Variants in SLC9A9 observed in about 807,000 individuals in gnomAD.
The protein encoded by SLC9A9 is solute carrier family 9 member A9.
In SLC9A9, 62 loss-of-function variants were observed where a neutral mutation model predicts 77.8. The observed-to-expected ratio is 0.80, with a 90% CI of 0.65 to 0.98. The LOEUF (loss-of-function observed/expected upper bound fraction) is 0.98. Among genes scored for constraint, SLC9A9 ranks in the 50% least tolerant of loss-of-function variants. The pLI, the probability that SLC9A9 is intolerant of heterozygous loss-of-function variation, is 0.00. For missense variants in SLC9A9, 775 were observed against 774.9 expected (o/e 1.00, Z 0.00); for synonymous variants, 320 against 283.5 (o/e 1.13, Z -1.29).
At chr3:143,641,476 C>A (rs1213238132) in intron 6 of SLC9A9, among the ~76,000 whole-genome samples, 1 of 139,080 alleles carries the variant, frequency 7.2e-6, no homozygotes, top group Non-Finnish European at 1.5e-5. Context: ...TCACTGCAAG[C>A]TCTGCCTCCC....
chr3:143,834,653 A>G (rs1281329928), intron 1 of SLC9A9, among the ~76,000 whole-genome samples: 1 of 148,312 alleles, frequency 6.7e-6, no homozygotes, highest in African/African-American at 2.5e-5. Context: ...TTAGTTCCCA[A>G]GCAGAGAAAG....
Position 143,585,952 on chromosome 3 carries a change from G to A in SLC9A9, c.756-7229C>T, listed in dbSNP as rs111535235. The stretch of plus-strand genomic sequence containing the variant: ...AGGTTCTACACTGTGGGATGAGCTC[G>A]CAGCCTCTGTCCTTGCAGGTGGCAC... On this transcript the variant is annotated intron_variant, in intron 6 of 15. Coordinates refer to ENST00000316549, the MANE Select transcript of SLC9A9 (RefSeq NM_173653.4). 5.8e-3 allele frequency among the ~76,000 whole-genome samples: 886 copies of A among 152,356 alleles called. 17 individuals are homozygous for A. The highest frequency in any genetic ancestry group is 0.02 in the African/African-American group (843 of 41,574).
intron 6 of SLC9A9, among the ~76,000 whole-genome samples, chr3:143,632,070 T>A (rs1466275149): frequency 6.6e-6 from 1 of 152,168 alleles, no homozygotes; most frequent in Non-Finnish European, 1.5e-5. Context: ...ATGATTTATA[T>A]CTGTGACTGG....
chr3:143,803,801 C>T (rs979240599), intron 2 of SLC9A9, among the ~76,000 whole-genome samples: 1 of 152,128 alleles, frequency 6.6e-6, no homozygotes, highest in Non-Finnish European at 1.5e-5. Context: ...ACACAGCTGT[C>T]CCCGCCTTAC....
rs184071126 is a variant in SLC9A9 at position 143,727,509 on chromosome 3, T to G, written c.534-34202A>C. 5.9e-5 allele frequency among the ~76,000 whole-genome samples: 9 copies of G among 152,292 alleles called. No individual in the cohort carries two copies. The East Asian group carries it at 1.7e-3, about 29-fold the overall frequency. Reference sequence around the variant, plus strand: ...TACATTAGCCTATGAGAACCAAAATTTCTCTGACTACTCTTTAGGACCAAC... The same window carrying G: ...TACATTAGCCTATGAGAACCAAAATGTCTCTGACTACTCTTTAGGACCAAC... On this transcript the variant is annotated intron_variant, in intron 4 of 15. Transcript: ENST00000316549.
chr3:143,395,568 C>A (rs1213588550), intron 12 of SLC9A9, among the ~76,000 whole-genome samples: 4 of 152,130 alleles, frequency 2.6e-5, no homozygotes, highest in African/African-American at 9.7e-5. Flanking sequence ...ACACCAAAAG[C>A]AATGGCAACA....
intron 6 of SLC9A9, among the ~76,000 whole-genome samples, chr3:143,596,587 C>T (rs2037756271): frequency 6.6e-6 from 1 of 152,180 alleles, no homozygotes; most frequent in South Asian, 2.1e-4. Context: ...GATGTGACAT[C>T]ATGCTTACAG....
chr3:143,687,978 C>T (rs947121631), intron 5 of SLC9A9, among the ~76,000 whole-genome samples: 1 of 151,920 alleles, frequency 6.6e-6, no homozygotes, highest in African/African-American at 2.4e-5. Context: ...GGATCCCTCC[C>T]TCCCTCTCTT....
In SLC9A9 at chr3:143,710,602, C is replaced by G. The variant is rs953799336; in HGVS notation, c.534-17295G>C. Among the ~76,000 whole-genome samples, 6 of 152,272 alleles carry G rather than the reference C, an allele frequency of 3.9e-5. No homozygotes were observed. In the East Asian group the frequency reaches 9.6e-4, roughly 24 times the overall value. On this transcript the variant is annotated intron_variant, in intron 4 of 15. Coordinates refer to ENST00000316549, the MANE Select transcript of SLC9A9 (RefSeq NM_173653.4). ...TCACTTGTTTTAAAACTATAGAAACCAAGATCCAACCAGGTTAATGGCTTG... is the reference window on the plus strand; with the variant it reads ...TCACTTGTTTTAAAACTATAGAAACGAAGATCCAACCAGGTTAATGGCTTG...
chr3:143,570,483 C>A (rs75060708), intron 8 of SLC9A9, among the ~76,000 whole-genome samples: 3,520 of 152,128 alleles, frequency 0.023, 69 homozygotes, highest in Non-Finnish European at 0.036. Flanking sequence ...TTAAACCAGA[C>A]ATTTTATTTT....
chr3:143,383,075 A>G (rs964739843), intron 12 of SLC9A9, among the ~76,000 whole-genome samples: 4 of 152,252 alleles, frequency 2.6e-5, no homozygotes, highest in African/African-American at 9.6e-5. Flanking sequence ...ATCAGTGTAC[A>G]TGCTTTGCCA....
intron 4 of SLC9A9, among the ~76,000 whole-genome samples, chr3:143,788,991 T>G (rs1334774555): frequency 2.0e-5 from 3 of 152,086 alleles, no homozygotes; most frequent in Non-Finnish European, 4.4e-5. Flanking sequence ...CTTACTAGAT[T>G]GGCAAAAATT....
At chr3:143,286,955 C>T (rs376661609) in intron 14 of SLC9A9, among the ~76,000 whole-genome samples, 47 of 152,288 alleles carry the variant, frequency 3.1e-4, no homozygotes, top group African/African-American at 1.0e-3. Context: ...ACGAGGTGTG[C>T]GTCAGCAAAA....
At chr3:143,318,575 T>C (rs181808193) in intron 14 of SLC9A9, among the ~76,000 whole-genome samples, 20 of 152,272 alleles carry the variant, frequency 1.3e-4, no homozygotes, top group African/African-American at 4.8e-4. Flanking sequence ...AAGCATGAAG[T>C]GGCCCAAATA....
intron 6 of SLC9A9, among the ~76,000 whole-genome samples, chr3:143,617,404 C>T (rs937885760): frequency 6.6e-5 from 10 of 152,158 alleles, no homozygotes; most frequent in Non-Finnish European, 8.8e-5. Context: ...GCCATTTACA[C>T]GAAAACATTG....
chr3:143,393,566 CA>C (rs2033623872), intron 12 of SLC9A9, among the ~76,000 whole-genome samples: 1 of 151,984 alleles, frequency 6.6e-6, no homozygotes, highest in Non-Finnish European at 1.5e-5. Flanking sequence ...CAAACACATT[CA>C]AAAGCTAGCA....
rs116077899 is a variant in SLC9A9, at chr3:143,618,129, C to T, written c.755+34126G>A. 8.9e-3 allele frequency among the ~76,000 whole-genome samples: 1,352 copies of T among 152,266 alleles called. 20 individuals carry two copies. The highest frequency in any genetic ancestry group is 0.032 in the African/African-American group (1,312 of 41,542). ...TGAGACTGAGATACAAGTAGGAGATCTTGGAGTGCTGGAACCGTGGGAGGA... is the reference window on the plus strand; with the variant it reads ...TGAGACTGAGATACAAGTAGGAGATTTTGGAGTGCTGGAACCGTGGGAGGA... On this transcript the variant is annotated intron_variant, in intron 6 of 15. Coordinates refer to ENST00000316549, the MANE Select transcript of SLC9A9 (RefSeq NM_173653.4).
intron 4 of SLC9A9, among the ~76,000 whole-genome samples, chr3:143,728,644 G>A (rs958799195): frequency 2.0e-5 from 3 of 152,142 alleles, no homozygotes; most frequent in African/African-American, 4.8e-5. Flanking sequence ...GAGTGGAAGC[G>A]CAGAGGCCAC....
chr3:143,743,518 G>C (rs1481952803), intron 4 of SLC9A9, among the ~76,000 whole-genome samples: 1 of 152,158 alleles, frequency 6.6e-6, no homozygotes, highest in Non-Finnish European at 1.5e-5. Context: ...GATGTCCAAA[G>C]GTGGGGGAAG....
Sources: gnomAD v4.1 joint callset for allele counts (sites outside exome capture counted in the v4.1 genomes callset) on GRCh38, gnomAD v4.1.1 for gene constraint, MANE v1.5 for transcripts, NCBI Gene and HGNC (gene_info 2026-07-23, HGNC 2026-07-21) for gene names.